The following PITPNC1 variants were observed in gnomAD, a reference collection of about 807,000 sequenced individuals.
PITPNC1 encodes cytoplasmic phosphatidylinositol transfer protein 1.
Under a neutral mutation model 44.7 loss-of-function variants are expected in PITPNC1, and 18 were observed. The ratio of observed to expected loss-of-function variants is 0.40; its 90% confidence interval spans 0.28 to 0.60. The LOEUF is 0.60. PITPNC1 is among the 20% of genes least tolerant of loss of function. The pLI is 0.39. For missense variants in PITPNC1, 290 were observed against 418.4 expected (o/e 0.69, Z 2.68); for synonymous variants, 141 against 149.6 (o/e 0.94, Z 0.42).
At chr17:67,654,971 A>C (rs1448766244) in intron 6 of PITPNC1, among the ~76,000 whole-genome samples, 1 of 152,134 alleles carries the variant, frequency 6.6e-6, no homozygotes, top group Non-Finnish European at 1.5e-5. Context: ...GGGAGATGGA[A>C]GCTCTCCTCT....
At chr17:67,631,657 AAT>A (rs1555574521) in intron 5 of PITPNC1, among the ~76,000 whole-genome samples, 1 of 7,682 alleles carries the variant, frequency 1.3e-4, no homozygotes, top group Non-Finnish European at 2.9e-4. Flanking sequence ...AAAAAAAAAA[AAT>A]ATATATATAT....
chr17:67,467,616 T>A (rs1324146956), intron 1 of PITPNC1, among the ~76,000 whole-genome samples: 1 of 152,186 alleles, frequency 6.6e-6, no homozygotes, highest in African/African-American at 2.4e-5. Flanking sequence ...TAATGAGATC[T>A]GCTTTGCCTC....
intron 5 of PITPNC1, among the ~76,000 whole-genome samples, chr17:67,618,668 C>G (rs914880762): frequency 6.6e-6 from 1 of 152,128 alleles, no homozygotes; most frequent in Non-Finnish European, 1.5e-5. Context: ...AGGAGAATCA[C>G]TTGAACCCAG....
At chr17:67,521,955 T>C (rs918859344) in intron 1 of PITPNC1, among the ~76,000 whole-genome samples, 1 of 152,166 alleles carries the variant, frequency 6.6e-6, no homozygotes, top group African/African-American at 2.4e-5. Flanking sequence ...ACGCAGTCAG[T>C]ACCTCGTTGT....
chr17:67,560,477 A>G (rs536533841), intron 4 of PITPNC1, among the ~76,000 whole-genome samples: 134 of 152,214 alleles, frequency 8.8e-4, no homozygotes, highest in Non-Finnish European at 1.7e-3. Flanking sequence ...GTTCTGTTCA[A>G]CCACACAGCA....
At chr17:67,488,293 G>A (rs1034844511) in intron 1 of PITPNC1, among the ~76,000 whole-genome samples, 4 of 152,208 alleles carry the variant, frequency 2.6e-5, no homozygotes, top group Non-Finnish European at 4.4e-5. Context: ...GAGCGCTTCG[G>A]AATTCACCTC....
rs1423929906 is a variant in PITPNC1, at chr17:67,647,463, G to T, written c.462+15225G>T. Among the ~76,000 whole-genome samples, 397 of 90,552 alleles carry T rather than the reference G, an allele frequency of 4.4e-3. 1 individual carries two copies. The highest frequency in any genetic ancestry group is 0.015 in the African/African-American group (306 of 19,918). The allele number at this position is 90,552 out of a possible 152,430, so 59.4% of individuals were successfully genotyped here. A position where few individuals can be genotyped will look rare whatever the true frequency, so the allele number is the denominator to read the frequency against. ...ACACCATCACACCCAGCTAATTTTGGGTTTTTTTTTTTTTTTTTTTTTTTT... is the reference window on the plus strand; with the variant it reads ...ACACCATCACACCCAGCTAATTTTGTGTTTTTTTTTTTTTTTTTTTTTTTT... On this transcript the variant is annotated intron_variant, in intron 6 of 8. Coordinates refer to ENST00000581322, the MANE Select transcript of PITPNC1 (RefSeq NM_012417.4).
chr17:67,662,092 T>G (rs1332145185), intron 6 of PITPNC1, among the ~76,000 whole-genome samples: 1 of 152,246 alleles, frequency 6.6e-6, no homozygotes, highest in East Asian at 1.9e-4. Flanking sequence ...CAACATAGCA[T>G]TTTTCAGATT....
intron 1 of PITPNC1, among the ~76,000 whole-genome samples, chr17:67,422,769 C>A (rs182051299): frequency 1.3e-5 from 2 of 152,214 alleles, no homozygotes; most frequent in East Asian, 1.9e-4. Flanking sequence ...GAACTCCTGA[C>A]CTCACGTGAT....
chr17:67,397,897 T>C (rs1250104268), intron 1 of PITPNC1, among the ~76,000 whole-genome samples: 1 of 152,078 alleles, frequency 6.6e-6, no homozygotes, highest in Non-Finnish European at 1.5e-5. Flanking sequence ...ATCGAGACTA[T>C]CCTGGCTCAC....
intron 6 of PITPNC1, among the ~76,000 whole-genome samples, chr17:67,668,752 C>T (rs2042462803): frequency 6.6e-6 from 1 of 151,876 alleles, no homozygotes; most frequent in African/African-American, 2.4e-5. Flanking sequence ...GTCCCAGCTA[C>T]TCGGGAGGCT....
intron 1 of PITPNC1, among the ~76,000 whole-genome samples, chr17:67,455,962 C>T (rs992562534): frequency 5.9e-5 from 9 of 152,104 alleles, no homozygotes; most frequent in African/African-American, 2.2e-4. Flanking sequence ...ATGAAACGTA[C>T]ACTTATGTAC....
intron 1 of PITPNC1, among the ~76,000 whole-genome samples, chr17:67,526,190 C>T (rs1484359063): frequency 6.6e-6 from 1 of 152,114 alleles, no homozygotes; most frequent in African/African-American, 2.4e-5. Context: ...GAAGATGACC[C>T]CCACTAGGTG....
chr17:67,408,042 G>C (rs1030963858), intron 1 of PITPNC1, among the ~76,000 whole-genome samples: 3 of 151,678 alleles, frequency 2.0e-5, no homozygotes, highest in African/African-American at 7.2e-5. Flanking sequence ...CGCAACCTCC[G>C]CCTCCCCAGT....
rs1391803250 is a variant in PITPNC1, at chr17:67,597,090, TC to T, written c.366+18835del. On this transcript the variant is annotated intron_variant, in intron 5 of 8. Coordinates refer to ENST00000581322, the MANE Select transcript of PITPNC1 (RefSeq NM_012417.4). This position sits in a 1 kb window ranked among gnomAD's most constrained non-coding sequence, Gnocchi z 4.0. ...TTAATTTTTTGTAGAGATGAAGTCT[TC>T]CTATATTACCCAGGCTGATCTTGAA... 6.6e-6 allele frequency among the ~76,000 whole-genome samples: 1 copy of T among 151,886 alleles called. No homozygotes were observed. The highest frequency in any genetic ancestry group is 2.4e-5 in the African/African-American group (1 of 41,338).
chr17:67,652,502 C>A (rs1598935481), intron 6 of PITPNC1, among the ~76,000 whole-genome samples: 1 of 152,328 alleles, frequency 6.6e-6, no homozygotes, highest in Admixed American at 6.5e-5. Flanking sequence ...CCCCTCGATA[C>A]AGATGGGCTT....
At chr17:67,379,475 A>C (rs2037925292) in intron 1 of PITPNC1, 1 of 599,132 alleles carries the variant, frequency 1.7e-6, no homozygotes, top group Non-Finnish European at 2.1e-6. Flanking sequence ...GCTGCCAAGG[A>C]GGGAGAGATC....
rs1392741602 is a variant in PITPNC1, at chr17:67,532,897, G to A, written c.144G>A (p.Glu48=). The stretch of plus-strand genomic sequence containing the variant: ...AGGTCGTCCAGAATGAGCCCTTTGA[G>A]GACCCTCACCATGGCAATGGGCAGT... The part of the protein sequence containing the change: ...GVEVVQNEPF[E]DPHHGNGQFT... Residue 48 remains glutamate (E), a synonymous_variant, in exon 2 of 9, where the codon GAG becomes GAA. Coordinates refer to ENST00000581322, the MANE Select transcript of PITPNC1 (RefSeq NM_012417.4). The A allele has an allele frequency of 2.5e-6, 4 of 1,610,250 alleles. No homozygotes were observed. In the Admixed American group the frequency reaches 6.7e-5, roughly 27 times the overall value.
intron 5 of PITPNC1, among the ~76,000 whole-genome samples, chr17:67,630,712 T>A (rs1567749004): frequency 6.6e-6 from 1 of 151,860 alleles, no homozygotes; most frequent in Non-Finnish European, 1.5e-5. Context: ...CCACTGAAAT[T>A]TAGACTTTTT....
Sources: gnomAD v4.1 joint callset for allele counts (sites outside exome capture counted in the v4.1 genomes callset) on GRCh38, gnomAD v4.1.1 for gene constraint, Gnocchi (gnomAD v3.1) non-coding constraint, MANE v1.5 for transcripts, NCBI Gene and HGNC (gene_info 2026-07-23, HGNC 2026-07-21) for gene names.